CD244: variants seen among roughly 807,000 people sequenced by gnomAD.
The protein encoded by CD244 is natural killer cell receptor 2B4.
CD244 carries 20 observed loss-of-function variants against 45.5 expected under a neutral mutation model. The ratio of observed to expected loss-of-function variants is 0.44; its 90% CI spans 0.31 to 0.64. CD244 has a LOEUF of 0.64. Among genes scored for constraint, CD244 ranks in the 30% least tolerant of loss-of-function variants. CD244 has a pLI of 0.08. For missense variants in CD244, 407 were observed against 426.9 expected (o/e 0.95, Z 0.41); for synonymous variants, 185 against 160.5 (o/e 1.15, Z -1.15).
At chr1:160,832,474 C>T (rs1290713604) in intron 8 of CD244, 45 bp downstream of exon 8, 1 of 1,185,268 alleles carries the variant, frequency 8.4e-7, no homozygotes. Context: ...GATTTCAGGG[C>T]TATGCAACAG....
intron 5 of CD244, among the ~76,000 whole-genome samples, chr1:160,837,577 C>T (rs901569521): frequency 1.3e-5 from 2 of 152,228 alleles, no homozygotes; most frequent in African/African-American, 4.8e-5. Context: ...GGATGCTTGC[C>T]TGCTCTGCGA....
intron 1 of CD244, among the ~76,000 whole-genome samples, chr1:160,853,951 G>A (rs1003086358): frequency 3.3e-5 from 5 of 152,088 alleles, no homozygotes; most frequent in Non-Finnish European, 7.4e-5. Context: ...GCCCAGAGGC[G>A]GTGGGTGGGA....
intron 1 of CD244, among the ~76,000 whole-genome samples, chr1:160,856,324 C>T (rs61803263): frequency 0.25 from 37,542 of 152,060 alleles, 5,008 homozygotes; most frequent in East Asian, 0.4. Flanking sequence ...TCAAAACTCA[C>T]CTAGCCCAAG....
intron 6 of CD244, among the ~76,000 whole-genome samples, chr1:160,835,041 G>T (rs569912410): frequency 6.6e-6 from 1 of 152,132 alleles, no homozygotes; most frequent in Non-Finnish European, 1.5e-5. Flanking sequence ...CTTATAATCA[G>T]ATTTTCTTTG....
chr1:160,861,564 C>T (rs6698454), intron 1 of CD244, among the ~76,000 whole-genome samples: 38,824 of 151,954 alleles, frequency 0.26, 5,483 homozygotes, highest in East Asian at 0.39. Context: ...GGCATGGTGG[C>T]TCACACCTGT....
In CD244 at chr1:160,862,635, T is replaced by A; in HGVS notation, c.43A>T (p.Lys15Ter). ...VVTLILLLLL[K>*]VYQGKGCQGS... Reference sequence around the variant, plus strand: ...TCCTTACCTTTGCCCTGATACACCTTGAGGAGCAGGAGGAGTATGAGGGTG... The same window carrying A: ...TCCTTACCTTTGCCCTGATACACCTAGAGGAGCAGGAGGAGTATGAGGGTG... Residue 15 changes from lysine (K) to a stop codon, truncating the protein, a stop_gained, in exon 1 of 9, where the codon AAG becomes TAG. Coordinates refer to ENST00000368034, the MANE Select transcript of CD244 (RefSeq NM_016382.4). LOFTEE classifies it high-confidence loss of function. The A allele has an allele frequency of 6.2e-7, 1 of 1,613,996 alleles. No individual in the cohort carries two copies. Among genetic ancestry groups the A allele is most frequent in the Non-Finnish European group, 8.5e-7 (1 of 1,179,928 alleles).
chr1:160,858,574 C>A (rs935104640), intron 1 of CD244, among the ~76,000 whole-genome samples: 1 of 152,148 alleles, frequency 6.6e-6, no homozygotes, highest in South Asian at 2.1e-4. Context: ...ATTTGAAGAT[C>A]CCTCCTTCCC....
At position 160,849,122 on chromosome 1, in the gene CD244, A is replaced by C. The variant is rs192552235; in HGVS notation, c.62-7221T>G. ...CCAGCTGGTGTCCACTGCAGAATACATTATTCAGTTTGCTGTGAGGAGAAA... is the reference window on the plus strand; with the variant it reads ...CCAGCTGGTGTCCACTGCAGAATACCTTATTCAGTTTGCTGTGAGGAGAAA... On this transcript the variant is annotated intron_variant, in intron 1 of 8. Transcript: ENST00000368034. 2.4e-4 allele frequency among the ~76,000 whole-genome samples: 36 copies of C among 152,232 alleles called. No individual in the cohort carries two copies. In the East Asian group the frequency reaches 6.4e-3, roughly 27 times the overall value.
In CD244 at chr1:160,831,219, A is replaced by G; in HGVS notation, c.*128T>C. 4.3e-6 allele frequency: 3 copies of G among 695,852 alleles called. No individual in the cohort carries two copies. The South Asian group carries it at 5.4e-5, about 13-fold the overall frequency. The allele number at this position is 695,852 out of a possible 1,614,324, so 43.1% of individuals were successfully genotyped here. On this transcript the variant is annotated 3_prime_UTR_variant, in exon 9 of 9. Transcript: ENST00000368034. Reference sequence around the variant, plus strand: ...CATCATTTTCAAAACAAAATATAGAACAAGAACAAATTTCCATATCCTCTC... The same window carrying G: ...CATCATTTTCAAAACAAAATATAGAGCAAGAACAAATTTCCATATCCTCTC...
intron 6 of CD244, 132 bp from the exon 7 acceptor site, chr1:160,834,248 A>T (rs1280956683): frequency 1.5e-6 from 1 of 665,024 alleles, no homozygotes; most frequent in African/African-American, 1.8e-5. Flanking sequence ...AGAGCCCTGG[A>T]CTAGCCAGGA....
At chr1:160,860,740 G>A (rs1670269527) in intron 1 of CD244, among the ~76,000 whole-genome samples, 1 of 152,240 alleles carries the variant, frequency 6.6e-6, no homozygotes. Context: ...GGTGAATCTA[G>A]ATGAAAGAAA....
chr1:160,852,917 G>A (rs1669969106), intron 1 of CD244, among the ~76,000 whole-genome samples: 1 of 152,094 alleles, frequency 6.6e-6, no homozygotes. Flanking sequence ...CAGCTACTTG[G>A]AAGACTGAAG....
chr1:160,840,124 A>G (rs1353581666), intron 3 of CD244, among the ~76,000 whole-genome samples: 1 of 151,326 alleles, frequency 6.6e-6, no homozygotes, highest in Non-Finnish European at 1.5e-5. Context: ...CAGAGATCAC[A>G]GAGCTTCTTT....
chr1:160,841,846 T>C lies in CD244; in HGVS notation c.117A>G (p.Leu39=), dbSNP rs1669556998. The part of the protein sequence containing the change: ...VVSISGVPLQ[L]QPNSIQTKVD... ...CCTTCGTCTGTATGCTGTTTGGTTG[T>C]AACTGAAGAGGCACTCCCGAGATGC... Residue 39 remains leucine (L), a synonymous_variant, in exon 2 of 9, where the codon TTA becomes TTG. Transcript: ENST00000368034. 2.5e-6 allele frequency: 4 copies of C among 1,614,172 alleles called. No homozygotes were observed. The highest frequency in any genetic ancestry group is 1.7e-5 in the Admixed American group (1 of 60,026).
intron 1 of CD244, among the ~76,000 whole-genome samples, chr1:160,846,248 T>C (rs1211181181): frequency 6.6e-6 from 1 of 152,222 alleles, no homozygotes; most frequent in Non-Finnish European, 1.5e-5. Flanking sequence ...TGTATCATTC[T>C]TATGCCTTTG....
chr1:160,845,308 A>C (rs1669692715), intron 1 of CD244, among the ~76,000 whole-genome samples: 1 of 152,212 alleles, frequency 6.6e-6, no homozygotes, highest in African/African-American at 2.4e-5. Context: ...AGAGAATTAG[A>C]AAACTGTTAT....
chr1:160,853,190 G>T (rs372911484), intron 1 of CD244, among the ~76,000 whole-genome samples: 13 of 152,268 alleles, frequency 8.5e-5, no homozygotes, highest in South Asian at 8.3e-4. Context: ...ACACAGCAAT[G>T]AAAAAGAAAA....
In CD244 at chr1:160,841,857, G is replaced by T; in HGVS notation, c.106C>A (p.Pro36Thr). Residue 36 changes from proline to threonine, a missense_variant, in exon 2 of 9, where the codon CCT becomes ACT. By Grantham distance (38) the Pro-to-Thr change is conservative. Coordinates refer to ENST00000368034, the MANE Select transcript of CD244 (RefSeq NM_016382.4). ...ATGCTGTTTGGTTGTAACTGAAGAGGCACTCCCGAGATGCTAACCACATGG... is the reference window on the plus strand; with the variant it reads ...ATGCTGTTTGGTTGTAACTGAAGAGTCACTCCCGAGATGCTAACCACATGG... ...ADHVVSISGV[P>T]LQLQPNSIQT... The T allele has an allele frequency of 1.2e-6, 2 of 1,614,030 alleles. No individual in the cohort carries two copies. Among genetic ancestry groups the T allele is most frequent in the Middle Eastern group, 1.6e-4 (1 of 6,062 alleles).
intron 1 of CD244, among the ~76,000 whole-genome samples, chr1:160,848,770 G>A (rs1162156680): frequency 6.6e-6 from 1 of 152,222 alleles, no homozygotes; most frequent in African/African-American, 2.4e-5. Context: ...TTCCTGGCAT[G>A]CAGTGTGCCC....
Sources: allele counts gnomAD v4.1 joint callset (sites outside exome capture counted in the v4.1 genomes callset), GRCh38; gene constraint gnomAD v4.1.1; transcripts MANE v1.5; gene names NCBI Gene and HGNC (gene_info 2026-07-23, HGNC 2026-07-21).